EPC1: variants seen among roughly 807,000 people sequenced by gnomAD.
The protein encoded by EPC1 is enhancer of polycomb homolog 1.
In EPC1, 12 loss-of-function variants were observed where a neutral mutation model predicts 98.4. The ratio of observed to expected loss-of-function variants is 0.12; its 90% CI spans 0.08 to 0.20. EPC1 has a LOEUF of 0.20. EPC1 is among the 10% of genes least tolerant of loss of function. The pLI is 1.00. For missense variants in EPC1, 729 were observed against 990.5 expected (o/e 0.74, Z 3.54); for synonymous variants, 357 against 363.9 (o/e 0.98, Z 0.21).
chr10:32,312,135 A>G (rs920434865), intron 1 of EPC1, among the ~76,000 whole-genome samples: 2 of 152,156 alleles, frequency 1.3e-5, no homozygotes, highest in African/African-American at 4.8e-5. Context: ...AAGCACAGTG[A>G]GTGAGGTGGT....
intron 1 of EPC1, among the ~76,000 whole-genome samples, chr10:32,320,227 CTTTT>C (rs201634644): frequency 3.3e-5 from 5 of 150,754 alleles, no homozygotes; most frequent in South Asian, 2.1e-4. Flanking sequence ...AGCAAAAGGA[CTTTT>C]TTTTTAAAAA....
rs58729377 is a variant in EPC1, at chr10:32,278,371, G to GTTTTTT, written c.1745-5096_1745-5091dup. Among the ~76,000 whole-genome samples, 4 of 102,598 alleles carry GTTTTTT rather than the reference G, an allele frequency of 3.9e-5. 1 individual carries two copies. Among genetic ancestry groups the GTTTTTT allele is most frequent in the Non-Finnish European group, 5.7e-5 (3 of 52,700 alleles). The allele number at this position is 102,598 out of a possible 152,430, so 67.3% of individuals were successfully genotyped here. A position where few individuals can be genotyped will look rare whatever the true frequency, so the allele number is the denominator to read the frequency against. On this transcript the variant is annotated intron_variant, in intron 10 of 13. Transcript: ENST00000319778. ...AAAATGTATACTTTGGTTTTTTTTT[G>GTTTTTT]TTTTTTTTTTTTTGTTTTTTTTTTT... is the stretch of plus-strand genomic sequence containing the variant.
intron 2 of EPC1, among the ~76,000 whole-genome samples, chr10:32,297,961 C>A (rs923056969): frequency 2.6e-5 from 4 of 152,088 alleles, no homozygotes; most frequent in African/African-American, 9.7e-5. Flanking sequence ...CCACACCCAG[C>A]TAATTTTTTG....
At position 32,324,911 on chromosome 10, in the gene EPC1, A is replaced by G. The variant is rs538686264; in HGVS notation, c.154-18980T>C. On this transcript the variant is annotated intron_variant, in intron 1 of 13. Transcript: ENST00000319778. ...GCGAGGCTGAGGCAGGAAAATGGCA[A>G]ACCTGCAGAACCCAGGTAACTGACG... 2.0e-5 allele frequency among the ~76,000 whole-genome samples: 3 copies of G among 152,184 alleles called. No individual in the cohort carries two copies. In the South Asian group the frequency reaches 6.2e-4, roughly 32 times the overall value.
chr10:32,298,306 A>G (rs192713302), intron 2 of EPC1, among the ~76,000 whole-genome samples: 247 of 152,318 alleles, frequency 1.6e-3, no homozygotes, highest in South Asian at 7.5e-3. Context: ...TTCGGTGAGT[A>G]TGTCCATAAC....
chr10:32,348,759 C>T (rs1250455450), upstream of EPC1, among the ~76,000 whole-genome samples: 1 of 152,144 alleles, frequency 6.6e-6, no homozygotes, highest in Non-Finnish European at 1.5e-5. Context: ...GGAGCTTACA[C>T]AGTGGGGAGA....
intron 1 of EPC1, among the ~76,000 whole-genome samples, chr10:32,361,890 C>T (rs1377977032): frequency 6.6e-6 from 1 of 152,064 alleles, no homozygotes; most frequent in Non-Finnish European, 1.5e-5. Context: ...AAGACCTTAC[C>T]AATAAAACAG....
At chr10:32,349,096 C>G (rs533159416), upstream of EPC1, among the ~76,000 whole-genome samples, 3 of 152,194 alleles carry the variant, frequency 2.0e-5, no homozygotes, top group African/African-American at 7.2e-5. Flanking sequence ...ACCTGTTTAG[C>G]CAGGTTTAAC....
intron 1 of EPC1, chr10:32,377,086 C>T (rs900582042): frequency 6.6e-6 from 1 of 152,070 alleles, no homozygotes; most frequent in Admixed American, 6.6e-5. Flanking sequence ...AAGATATAAT[C>T]CTGCATTTAG....
At chr10:32,298,535 A>G (rs768428918) in intron 2 of EPC1, among the ~76,000 whole-genome samples, 5 of 152,138 alleles carry the variant, frequency 3.3e-5, no homozygotes, top group Admixed American at 6.5e-5. Context: ...CTTGATATCA[A>G]TTCTGAGCAG....
intron 1 of EPC1, among the ~76,000 whole-genome samples, chr10:32,317,610 C>A (rs1836631578): frequency 6.6e-6 from 1 of 151,822 alleles, no homozygotes; most frequent in African/African-American, 2.4e-5. Flanking sequence ...CCACTGCACT[C>A]CAGCCTGGGT....
In EPC1 at chr10:32,360,971, C is replaced by T. The variant is rs111313165; in HGVS notation, c.3+17520G>A. Among the ~76,000 whole-genome samples the T allele has an allele frequency of 5.3e-5, 8 of 152,194 alleles. No homozygotes were observed. In the East Asian group the frequency reaches 9.7e-4, roughly 18 times the overall value. On this transcript the variant is annotated intron_variant, in intron 1 of 13. Transcript: ENST00000375110. ...CAATGAGAATTCCTGTCAAACAGCC[C>T]GTTCCTTATTCTCTTTTGCCTTTAA...
chr10:32,354,597 A>C (rs1036672130), intron 1 of EPC1, among the ~76,000 whole-genome samples: 4 of 151,610 alleles, frequency 2.6e-5, no homozygotes, highest in Non-Finnish European at 5.9e-5. Context: ...TTACACATTT[A>C]TTGTGTAAAT....
chr10:32,297,447 G>A lies in EPC1; in HGVS notation c.314-3710C>T, dbSNP rs1414686361. ...ATTACACATGTCTGCCACCACGCCC[G>A]GCAAATTTTTGTATTTTTTAGTAGA... is the stretch of plus-strand genomic sequence containing the variant. On this transcript the variant is annotated intron_variant, in intron 2 of 13. Coordinates refer to ENST00000319778, the MANE Select transcript of EPC1 (RefSeq NM_001272004.3). Among the ~76,000 whole-genome samples the A allele has an allele frequency of 5.3e-5, 8 of 151,702 alleles. 1 individual carries two copies. In the South Asian group the frequency reaches 8.3e-4, roughly 16 times the overall value.
intron 1 of EPC1, among the ~76,000 whole-genome samples, chr10:32,336,311 A>AAC (rs397759271): frequency 3.9e-4 from 3 of 7,754 alleles, no homozygotes; most frequent in Non-Finnish European, 2.5e-3. Context: ...CTCGTGATCC[A>AAC]CCTGCCTCGG....
intron 1 of EPC1, among the ~76,000 whole-genome samples, chr10:32,332,208 A>C (rs745787619): frequency 6.6e-6 from 1 of 152,266 alleles, no homozygotes; most frequent in Admixed American, 6.5e-5. Context: ...GAAAGGCTTC[A>C]TAACAGTTGA....
chr10:32,333,921 C>T (rs115799835), intron 1 of EPC1, among the ~76,000 whole-genome samples: 4 of 152,364 alleles, frequency 2.6e-5, no homozygotes, highest in African/African-American at 9.6e-5. Flanking sequence ...TGGTGAAACA[C>T]TGCCAGCTTG....
chr10:32,306,120 T>C (rs1054087314), intron 1 of EPC1, among the ~76,000 whole-genome samples, 189 bp from the exon 2 acceptor site: 1 of 152,140 alleles, frequency 6.6e-6, no homozygotes, highest in Non-Finnish European at 1.5e-5. Flanking sequence ...AAAAAAAATT[T>C]TGTCAGAAAC....
intron 13 of EPC1, 79 bp from the exon 14 acceptor site, chr10:32,269,214 G>C (rs1835717772): frequency 7.8e-7 from 1 of 1,274,480 alleles, no homozygotes; most frequent in African/African-American, 1.5e-5. Flanking sequence ...CCAACAAAAA[G>C]TTTATTTTTA....
Sources: gnomAD v4.1 joint callset for allele counts (sites outside exome capture counted in the v4.1 genomes callset) on GRCh38, gnomAD v4.1.1 for gene constraint, MANE v1.5 for transcripts, NCBI Gene and HGNC (gene_info 2026-07-23, HGNC 2026-07-21) for gene names.